EPG5: variants seen among roughly 807,000 people sequenced by gnomAD.
EPG5 encodes the protein ectopic P granules protein 5 homolog.
In EPG5, 159 loss-of-function variants were observed where a neutral mutation model predicts 302.7. The ratio of observed to expected loss-of-function variants is 0.53; its 90% CI spans 0.46 to 0.60. The LOEUF is 0.60. Ranked by LOEUF, EPG5 falls within the 20% of genes least tolerant of loss-of-function variation. The pLI, the probability that EPG5 is intolerant of heterozygous loss-of-function variation, is 0.00. For missense variants in EPG5, 2,896 were observed against 3,092.4 expected (o/e 0.94, Z 1.51); for synonymous variants, 1,158 against 1,136.8 (o/e 1.02, Z -0.37).
chr18:45,857,795 T>C, intron 42 of EPG5, 58 bp downstream of exon 42: 1 of 1,390,450 alleles, frequency 7.2e-7, no homozygotes, highest in Non-Finnish European at 1.0e-6. Context: ...AACCTGTAAG[T>C]AGGTACAGAT....
At position 45,910,571 on chromosome 18, in the gene EPG5, A is replaced by G. The variant is rs571870345; in HGVS notation, c.4155T>C (p.Ser1385=). 2.2e-5 allele frequency: 35 copies of G among 1,613,704 alleles called. No individual in the cohort carries two copies. The highest frequency in any genetic ancestry group is 8.3e-5 in the Admixed American group (5 of 59,990). Reference sequence around the variant, plus strand: ...GTGAAGTCAGGTAACCAGGGGTGCCAGAGTGGCTCTCTGGCAGCCCTTCAC... The same window carrying G: ...GTGAAGTCAGGTAACCAGGGGTGCCGGAGTGGCTCTCTGGCAGCCCTTCAC... The part of the protein sequence containing the change: ...EGSEGLPESH[S]GTPGYLTSPE... The change falls in exon 23 of 44, where the codon TCT becomes TCC. Residue 1385 remains serine (S), a synonymous_variant. Transcript: ENST00000282041.
At chr18:45,841,470 C>A in the EPG5 span, among the ~76,000 whole-genome samples, 5 of 152,088 alleles carry the variant, frequency 3.3e-5, no homozygotes, top group Non-Finnish European at 5.9e-5. Flanking sequence ...TGGTTTTAAG[C>A]GGACGCATGG....
At chr18:45,907,790 T>C (rs1011815953) in intron 24 of EPG5, 168 bp downstream of exon 24, 9 of 601,284 alleles carry the variant, frequency 1.5e-5, no homozygotes, top group East Asian at 3.3e-5. Flanking sequence ...AAAGGGAGTA[T>C]TCCCTCCATA....
In EPG5 at chr18:45,915,991, C is replaced by T; in HGVS notation, c.3582+18G>A. 6.3e-7 allele frequency: 1 copy of T among 1,591,340 alleles called. No individual in the cohort carries two copies. The highest frequency in any genetic ancestry group is 8.5e-7 in the Non-Finnish European group (1 of 1,170,484). The stretch of plus-strand genomic sequence containing the variant: ...CTAGCCAATCACTGAAAGATAAATT[C>T]TCTAACAGGTTAATTACCTTATGTT... On this transcript the variant is annotated intron_variant, in intron 19 of 43. Transcript: ENST00000282041.
chr18:45,888,336 C>T (rs988152396), intron 28 of EPG5, among the ~76,000 whole-genome samples: 3 of 151,934 alleles, frequency 2.0e-5, no homozygotes, highest in African/African-American at 7.3e-5. Flanking sequence ...CGGAGTCTCA[C>T]TCTGTCACCC....
intron 24 of EPG5, among the ~76,000 whole-genome samples, chr18:45,906,675 C>G (rs2049759081): frequency 6.7e-6 from 1 of 149,674 alleles, no homozygotes; most frequent in Non-Finnish European, 1.5e-5. Flanking sequence ...TTTTTTAAGA[C>G]AGGGTCTCTC....
intron 9 of EPG5, among the ~76,000 whole-genome samples, chr18:45,941,181 C>G (rs1017798359): frequency 2.6e-5 from 4 of 152,122 alleles, no homozygotes; most frequent in Admixed American, 2.0e-4. Context: ...ACCAAGGAGG[C>G]AGAAAAGGGA....
At chr18:45,899,801 T>C (rs962546264) in intron 26 of EPG5, among the ~76,000 whole-genome samples, 1 of 152,166 alleles carries the variant, frequency 6.6e-6, no homozygotes, top group Admixed American at 6.5e-5. Context: ...GACAACTTGA[T>C]AGCCACAAAC....
chr18:45,919,734 G>C (rs1950042501), intron 16 of EPG5, among the ~76,000 whole-genome samples: 2 of 152,008 alleles, frequency 1.3e-5, no homozygotes, highest in Non-Finnish European at 2.9e-5. Flanking sequence ...GGATGGTCTC[G>C]ATCTCCTGAC....
At chr18:45,830,475 G>A in the EPG5 span, among the ~76,000 whole-genome samples, 81 of 152,272 alleles carry the variant, frequency 5.3e-4, 2 homozygotes, top group Admixed American at 1.3e-3. Context: ...AGGGAGCTAT[G>A]GGGGGAATTT....
chr18:45,882,569 T>A (rs2049120891), intron 30 of EPG5, 82 bp from the exon 31 acceptor site: 3 of 1,122,506 alleles, frequency 2.7e-6, no homozygotes, highest in African/African-American at 1.6e-5. Context: ...GTAAATTTAG[T>A]TTAAAAGCCA....
chr18:45,911,080 CA>C, intron 22 of EPG5, among the ~76,000 whole-genome samples: 1 of 38,646 alleles, frequency 2.6e-5, no homozygotes, highest in East Asian at 5.0e-3. Flanking sequence ...TCTATCTATA[CA>C]CACACACACA....
Position 45,855,569 on chromosome 18 carries a change from T to C in EPG5, c.7557+4A>G. ...ACTTCTAACCCTTCATTGTATATAC[T>C]GACCTGCTGAGCTTTGGGGGTCAGA... On this transcript the variant is annotated splice_donor_region_variant and intron_variant, in intron 43 of 43. Coordinates refer to ENST00000282041, the MANE Select transcript of EPG5 (RefSeq NM_020964.3). The C allele has an allele frequency of 6.2e-7, 1 of 1,611,228 alleles. No homozygotes were observed. Among genetic ancestry groups the C allele is most frequent in the Admixed American group, 1.7e-5 (1 of 59,988 alleles).
chr18:45,834,051 T>C, the EPG5 span, among the ~76,000 whole-genome samples: 2 of 152,204 alleles, frequency 1.3e-5, no homozygotes, highest in African/African-American at 4.8e-5. Flanking sequence ...TGCTGATTGA[T>C]GTCCACGCCT....
rs773448279 is a variant in EPG5 at position 45,952,464 on chromosome 18, G to C, written c.1188C>G (p.Tyr396Ter). ...SVLSRLQVES[Y>*]IYALLSSSAV... Reference sequence around the variant, plus strand: ...CTGAACTACTGAGCAATGCATAGATGTAAGACTCCACTTGCAATCTTGAGA... The same window carrying C: ...CTGAACTACTGAGCAATGCATAGATCTAAGACTCCACTTGCAATCTTGAGA... The change falls in exon 3 of 44, where the codon TAC (tyrosine) becomes TAG (stop). Residue 396 changes from tyrosine (Y) to a stop codon, truncating the protein, a stop_gained. Transcript: ENST00000282041. LOFTEE classifies it high-confidence loss of function. The C allele has an allele frequency of 6.2e-7, 1 of 1,614,220 alleles. No individual in the cohort carries two copies. The highest frequency in any genetic ancestry group is 8.5e-7 in the Non-Finnish European group (1 of 1,180,034).
At chr18:45,871,929 C>A (rs533167632) in intron 35 of EPG5, among the ~76,000 whole-genome samples, 31 of 152,256 alleles carry the variant, frequency 2.0e-4, no homozygotes, top group African/African-American at 7.2e-4. Flanking sequence ...AGAAGAGAAC[C>A]AACTTTAAAT....
At chr18:45,842,641 C>T (rs1245301547), downstream of EPG5, 3 of 166,490 alleles carry the variant, frequency 1.8e-5, no homozygotes, top group Non-Finnish European at 3.9e-5. Context: ...TTCTCTGGGT[C>T]TCAATTCATT....
rs1411763647 is a variant in EPG5 at position 45,848,204 on chromosome 18, C to A, written c.*4263G>T. The A allele has an allele frequency of 6.6e-6, 1 of 152,174 alleles. No homozygotes were observed. The highest frequency in any genetic ancestry group is 1.5e-5 in the Non-Finnish European group (1 of 68,036). 9.4% of individuals were successfully genotyped at this position (152,174 alleles called of 1,614,324 possible). A position where few individuals can be genotyped will look rare whatever the true frequency, so the allele number is the denominator to read the frequency against. On this transcript the variant is annotated 3_prime_UTR_variant, in exon 44 of 44. Coordinates refer to ENST00000282041, the MANE Select transcript of EPG5 (RefSeq NM_020964.3). ...GGGATACTTTCTTTTAATCAACACACTTATTTCCCAACATTATATTCTCCA... is the reference window on the plus strand; with the variant it reads ...GGGATACTTTCTTTTAATCAACACAATTATTTCCCAACATTATATTCTCCA...
chr18:45,871,201 G>A (rs2048864949), intron 35 of EPG5, among the ~76,000 whole-genome samples: 1 of 152,202 alleles, frequency 6.6e-6, no homozygotes, highest in Non-Finnish European at 1.5e-5. Context: ...CTGATCATTA[G>A]AGAAATGCAA....
Sources: allele counts gnomAD v4.1 joint callset (sites outside exome capture counted in the v4.1 genomes callset), GRCh38; gene constraint gnomAD v4.1.1; transcripts MANE v1.5; gene names NCBI Gene and HGNC (gene_info 2026-07-23, HGNC 2026-07-21).